The following NRXN1 variants were observed in gnomAD, a reference collection of about 807,000 sequenced individuals.
The protein encoded by NRXN1 is neurexin-1.
NRXN1 carries 39 observed loss-of-function variants against 150.9 expected under a neutral mutation model. The observed-to-expected ratio is 0.26, with a 90% CI of 0.20 to 0.34. The LOEUF (loss-of-function observed/expected upper bound fraction) is 0.34. Among genes scored for constraint, NRXN1 ranks in the 10% least tolerant of loss-of-function variants. NRXN1 has a pLI of 1.00. For synonymous variants in NRXN1, 924 were observed against 757.0 expected, an observed-to-expected ratio of 1.22 and a Z score of -3.62; for missense variants, 1,815 against 1,949.9, an observed-to-expected ratio of 0.93 and a Z score of 1.30.
At chr2:50,004,773 T>C (rs1281831215) in intron 21 of NRXN1, among the ~76,000 whole-genome samples, 1 of 152,166 alleles carries the variant, frequency 6.6e-6, no homozygotes, top group Non-Finnish European at 1.5e-5. Context: ...GCAGAGCTTC[T>C]ATTGTCTTCT....
intron 19 of NRXN1, among the ~76,000 whole-genome samples, chr2:50,084,807 A>T (rs1008778005): frequency 1.3e-5 from 2 of 152,190 alleles, no homozygotes; most frequent in African/African-American, 2.4e-5. Flanking sequence ...AAAAAATCCA[A>T]GTCATTGATA....
At chr2:50,611,568 G>A (rs1559017176) in intron 8 of NRXN1, among the ~76,000 whole-genome samples, 1 of 152,118 alleles carries the variant, frequency 6.6e-6, no homozygotes, top group Non-Finnish European at 1.5e-5. Context: ...TGCCCCAATT[G>A]TTTATTTCCC....
chr2:50,695,945 C>T lies in NRXN1; in HGVS notation c.833-72330G>A, dbSNP rs186532174. ...GCAACCTCTGCCCTCCAGCTTCAAGCGATTCTTCTGTCTCAGCCTCCCAAG... is the reference window on the plus strand; with the variant it reads ...GCAACCTCTGCCCTCCAGCTTCAAGTGATTCTTCTGTCTCAGCCTCCCAAG... On this transcript the variant is annotated intron_variant, in intron 5 of 22. Coordinates refer to ENST00000401669, the MANE Select transcript of NRXN1 (RefSeq NM_001330078.2). Among the ~76,000 whole-genome samples, 125 of 149,882 alleles carry T rather than the reference C, an allele frequency of 8.3e-4. 1 individual carries two copies. Among genetic ancestry groups the T allele is most frequent in the Non-Finnish European group, 1.4e-3 (96 of 67,786 alleles).
At chr2:50,505,010 G>A (rs995556927) in intron 13 of NRXN1, among the ~76,000 whole-genome samples, 5 of 152,022 alleles carry the variant, frequency 3.3e-5, no homozygotes, top group African/African-American at 1.2e-4. Context: ...TGAACTCCAA[G>A]ACTATAAAGT....
intron 17 of NRXN1, among the ~76,000 whole-genome samples, chr2:50,259,932 T>G (rs373735685): frequency 2.0e-5 from 3 of 151,856 alleles, no homozygotes; most frequent in African/African-American, 7.2e-5. Flanking sequence ...TAGGATCTAG[T>G]GTAACGCGGG....
At chr2:50,314,753 A>G (rs148307098) in intron 17 of NRXN1, among the ~76,000 whole-genome samples, 1 of 152,126 alleles carries the variant, frequency 6.6e-6, no homozygotes, top group Non-Finnish European at 1.5e-5. Flanking sequence ...TATACTCTCC[A>G]TAAGAATCAT....
In NRXN1 at chr2:50,453,205, A is replaced by C. The variant is rs766590122; in HGVS notation, c.3364+12237T>G. Among the ~76,000 whole-genome samples, 28 of 150,592 alleles carry C rather than the reference A, an allele frequency of 1.9e-4. 1 individual carries two copies. Among genetic ancestry groups the C allele is most frequent in the Non-Finnish European group, 3.1e-4 (21 of 67,492 alleles). The stretch of plus-strand genomic sequence containing the variant: ...AATAGTCTAATAGTCCTTCAATGTA[A>C]GGGTATATTAGAATCATATGGAGGC... On this transcript the variant is annotated intron_variant, in intron 17 of 22. Coordinates refer to ENST00000401669, the MANE Select transcript of NRXN1 (RefSeq NM_001330078.2).
At chr2:50,044,349 C>A (rs945815605) in intron 21 of NRXN1, among the ~76,000 whole-genome samples, 28 of 152,214 alleles carry the variant, frequency 1.8e-4, no homozygotes, top group African/African-American at 5.8e-4. Flanking sequence ...GCTAAGGGGG[C>A]CGAGGCTACC....
At chr2:51,006,986 C>T (rs973484588) in intron 2 of NRXN1, among the ~76,000 whole-genome samples, 3 of 149,292 alleles carry the variant, frequency 2.0e-5, no homozygotes, top group African/African-American at 7.7e-5. Flanking sequence ...TCTATGAACA[C>T]CAATAGAGCA....
chr2:50,423,807 A>G (rs2084203571), intron 17 of NRXN1, among the ~76,000 whole-genome samples: 1 of 152,142 alleles, frequency 6.6e-6, no homozygotes. Flanking sequence ...GCCAGATGTC[A>G]GGAAAGTGCT....
chr2:50,127,403 G>C (rs909776835), intron 18 of NRXN1, among the ~76,000 whole-genome samples: 18 of 151,980 alleles, frequency 1.2e-4, no homozygotes, highest in African/African-American at 4.1e-4. Flanking sequence ...GCTTGAAAAA[G>C]TATAGGTTTT....
At chr2:50,255,892 C>G (rs948752251) in intron 17 of NRXN1, among the ~76,000 whole-genome samples, 1 of 152,104 alleles carries the variant, frequency 6.6e-6, no homozygotes, top group African/African-American at 2.4e-5. Context: ...CTTTTGCTCT[C>G]AAATCTTCTA....
At chr2:50,350,632 G>C (rs926661634) in intron 17 of NRXN1, among the ~76,000 whole-genome samples, 2 of 152,168 alleles carry the variant, frequency 1.3e-5, no homozygotes, top group African/African-American at 2.4e-5. Flanking sequence ...GGACTTTGGA[G>C]AGCGATTTGT....
intron 17 of NRXN1, among the ~76,000 whole-genome samples, chr2:50,314,466 C>T (rs983585171): frequency 1.3e-5 from 2 of 151,908 alleles, no homozygotes; most frequent in Non-Finnish European, 2.9e-5. Context: ...AAAGAGTTTC[C>T]TTCTCATCTT....
intron 18 of NRXN1, among the ~76,000 whole-genome samples, chr2:50,193,560 C>T (rs1200138274): frequency 2.0e-5 from 3 of 152,108 alleles, no homozygotes; most frequent in African/African-American, 7.2e-5. Context: ...GCTCTCTCTC[C>T]TGTCACTACT....
rs1370211773 is a variant in NRXN1 at position 50,053,452 on chromosome 2, G to C, written c.3947C>G (p.Ala1316Gly). The C allele has an allele frequency of 2.5e-6, 4 of 1,614,006 alleles. No homozygotes were observed. The East Asian group carries it at 8.9e-5, about 36-fold the overall frequency. Residue 1316 changes from alanine (A) to glycine (G), a missense_variant, in exon 21 of 23, where the codon GCC (alanine) becomes GGC (glycine). Coordinates refer to ENST00000401669, the MANE Select transcript of NRXN1 (RefSeq NM_001330078.2). ...CACATTTCCCACTATGGCGATGTTG[G>C]CATCGTTTTCGGCTGCCATATTCAG... ...KVLNMAAEND[A>G]NIAIVGNVRL...
chr2:50,907,704 G>A (rs957425660), intron 5 of NRXN1, among the ~76,000 whole-genome samples: 2 of 151,904 alleles, frequency 1.3e-5, no homozygotes, highest in Non-Finnish European at 2.9e-5. Context: ...TGAAAGAAAG[G>A]AGTCACCAGC....
chr2:50,717,414 T>C (rs1696007812), intron 5 of NRXN1, among the ~76,000 whole-genome samples: 1 of 152,150 alleles, frequency 6.6e-6, no homozygotes, highest in Non-Finnish European at 1.5e-5. Context: ...TCTGTTCTAG[T>C]TGGAACAACA....
intron 9 of NRXN1, among the ~76,000 whole-genome samples, chr2:50,546,230 G>A (rs1052760348): frequency 7.9e-5 from 12 of 152,112 alleles, no homozygotes; most frequent in African/African-American, 2.9e-4. Flanking sequence ...ATTGGCCTGG[G>A]AAGGCTTGAC....
Sources: gnomAD v4.1 joint callset for allele counts (sites outside exome capture counted in the v4.1 genomes callset) on GRCh38, gnomAD v4.1.1 for gene constraint, MANE v1.5 for transcripts, NCBI Gene and HGNC (gene_info 2026-07-23, HGNC 2026-07-21) for gene names.